The following QKI variants were observed in gnomAD, a reference collection of about 807,000 sequenced individuals.
QKI encodes KH domain-containing RNA-binding protein QKI.
QKI carries 10 observed loss-of-function variants against 39.0 expected under a neutral mutation model. The ratio of observed to expected loss-of-function variants is 0.26; its 90% CI spans 0.16 to 0.43. The LOEUF is 0.43. Ranked by LOEUF, QKI falls within the 20% of genes least tolerant of loss-of-function variation. QKI has a pLI of 1.00. For synonymous variants in QKI, 204 were observed against 155.4 expected, an observed-to-expected ratio of 1.31 and a Z score of -2.33; for missense variants, 218 against 428.0, an observed-to-expected ratio of 0.51 and a Z score of 4.33.
At chr6:163,456,395 C>T (rs1790915253) in intron 2 of QKI, among the ~76,000 whole-genome samples, 2 of 152,018 alleles carry the variant, frequency 1.3e-5, no homozygotes, top group Admixed American at 6.6e-5. Flanking sequence ...AATATTGGCA[C>T]ATAATAGGTA....
intron 1 of QKI, among the ~76,000 whole-genome samples, chr6:163,437,970 A>C (rs1044076092): frequency 6.6e-6 from 1 of 152,204 alleles, no homozygotes; most frequent in Non-Finnish European, 1.5e-5. Context: ...TCATAAGCTA[A>C]ATGTACTGTG....
chr6:163,451,655 G>A (rs1790568191), intron 1 of QKI, among the ~76,000 whole-genome samples: 2 of 152,260 alleles, frequency 1.3e-5, no homozygotes, highest in South Asian at 2.1e-4. Flanking sequence ...GAGATTTTTT[G>A]TACTATGCGT....
intron 2 of QKI, among the ~76,000 whole-genome samples, chr6:163,470,787 G>A (rs2128223167): frequency 6.6e-6 from 1 of 152,232 alleles, no homozygotes; most frequent in South Asian, 2.1e-4. Flanking sequence ...CATTTGAAGA[G>A]AGAATTAGTA....
intron 3 of QKI, among the ~76,000 whole-genome samples, chr6:163,524,904 T>C (rs1780391843): frequency 6.6e-6 from 1 of 152,200 alleles, no homozygotes; most frequent in African/African-American, 2.4e-5. Flanking sequence ...CATTTAAAAC[T>C]CATTGTAGCT....
chr6:163,474,936 A>G (rs1167096794), intron 2 of QKI, among the ~76,000 whole-genome samples: 1 of 151,474 alleles, frequency 6.6e-6, no homozygotes, highest in Non-Finnish European at 1.5e-5. Flanking sequence ...GAGAGAGATG[A>G]GAGATAACTT....
intron 3 of QKI, among the ~76,000 whole-genome samples, chr6:163,493,563 G>A (rs994730364): frequency 6.6e-6 from 1 of 152,136 alleles, no homozygotes; most frequent in Non-Finnish European, 1.5e-5. Flanking sequence ...TTATCATTAA[G>A]ATAAATGTGA....
At chr6:163,496,955 T>C (rs775521342) in intron 3 of QKI, among the ~76,000 whole-genome samples, 3 of 152,150 alleles carry the variant, frequency 2.0e-5, no homozygotes, top group Non-Finnish European at 4.4e-5. Flanking sequence ...CCACCCTCAC[T>C]TAAGGGAATA....
At chr6:163,519,998 G>A (rs537463290) in intron 3 of QKI, among the ~76,000 whole-genome samples, 5 of 152,194 alleles carry the variant, frequency 3.3e-5, no homozygotes, top group South Asian at 2.1e-4. Flanking sequence ...GACAAGTAAC[G>A]TACCCTTTGA....
chr6:163,465,808 A>G (rs1466151619), intron 2 of QKI, among the ~76,000 whole-genome samples: 1 of 152,056 alleles, frequency 6.6e-6, no homozygotes, highest in East Asian at 1.9e-4. Context: ...CTGTCTATAC[A>G]CTAACAACAA....
At position 163,415,169 on chromosome 6, in the gene QKI, C is replaced by T. The variant is rs550409572; in HGVS notation, c.-25C>T. On this transcript the variant is annotated 5_prime_UTR_variant, in exon 1 of 8. Transcript: ENST00000361752. ...CGGCGGCGGCGGCGGCGGCGGCGGG[C>T]GGAGTGAGCTGCGGAGCCTGGAATA... The T allele has an allele frequency of 1.9e-4, 275 of 1,450,098 alleles. 2 individuals are homozygous for T. The East Asian group carries it at 2.8e-3, about 15-fold the overall frequency. The allele number at this position is 1,450,098 out of a possible 1,614,324, so 89.8% of individuals were successfully genotyped here.
At chr6:163,518,373 C>A (rs1197946376) in intron 3 of QKI, among the ~76,000 whole-genome samples, 1 of 152,052 alleles carries the variant, frequency 6.6e-6, no homozygotes, top group Non-Finnish European at 1.5e-5. Context: ...TGGACAGATA[C>A]AAATTTTAAC....
intron 3 of QKI, among the ~76,000 whole-genome samples, chr6:163,500,088 A>G (rs1325325079): frequency 1.3e-5 from 2 of 152,140 alleles, no homozygotes; most frequent in Admixed American, 6.5e-5. Context: ...TGTGAATGTG[A>G]TGGGACTGTC....
intron 1 of QKI, among the ~76,000 whole-genome samples, chr6:163,435,936 A>C (rs537057354): frequency 1.3e-5 from 2 of 152,138 alleles, no homozygotes; most frequent in South Asian, 4.1e-4. Flanking sequence ...GGTTTTTGTC[A>C]TTTTTTACTC....
intron 3 of QKI, among the ~76,000 whole-genome samples, chr6:163,521,702 T>C (rs781336214): frequency 6.6e-6 from 1 of 152,066 alleles, no homozygotes; most frequent in South Asian, 2.1e-4. Context: ...TTTGTACTTT[T>C]AGTAGACAGG....
At chr6:163,476,832 G>A (rs941840684) in intron 2 of QKI, among the ~76,000 whole-genome samples, 1 of 152,124 alleles carries the variant, frequency 6.6e-6, no homozygotes, top group African/African-American at 2.4e-5. Flanking sequence ...ATTTGTATTA[G>A]ACTTGGTAGG....
At position 163,574,055 on chromosome 6, in the gene QKI, A is replaced by G. The variant is rs1783844342; in HGVS notation, c.*3345A>G. 6.6e-6 allele frequency: 1 copy of G among 152,146 alleles called. No individual in the cohort carries two copies. Among genetic ancestry groups the G allele is most frequent in the Non-Finnish European group, 1.5e-5 (1 of 68,052 alleles). 9.4% of individuals were successfully genotyped at this position (152,146 alleles called of 1,614,324 possible). A position where few individuals can be genotyped will look rare whatever the true frequency, so the allele number is the denominator to read the frequency against. On this transcript the variant is annotated 3_prime_UTR_variant, in exon 8 of 8. Coordinates refer to ENST00000361752, the MANE Select transcript of QKI (RefSeq NM_006775.3). ...TGTAGGTGCAGTAGAGATGGGAACA[A>G]AGTAGCCTTTGTTTGAGGCATTCTT...
At chr6:163,549,637 A>G (rs1252416976) in intron 4 of QKI, among the ~76,000 whole-genome samples, 1 of 152,204 alleles carries the variant, frequency 6.6e-6, no homozygotes, top group African/African-American at 2.4e-5. Context: ...ATTTGAACCC[A>G]GGAGGTGGAG....
chr6:163,433,955 A>G (rs193129131), intron 1 of QKI, among the ~76,000 whole-genome samples: 3 of 152,280 alleles, frequency 2.0e-5, no homozygotes, highest in Admixed American at 1.3e-4. Context: ...CTATTTTTCT[A>G]TTCTGTTTCA....
rs1490830924 is a variant in QKI, at chr6:163,576,905, AAAC to A, written c.*6197_*6199del. On this transcript the variant is annotated 3_prime_UTR_variant, in exon 8 of 8. Coordinates refer to ENST00000361752, the MANE Select transcript of QKI (RefSeq NM_006775.3). ...ATTTTAGCCATTAAGGGAGATTAGT[AAAC>A]AGACTGCTACAGTGTTCCATAGTTG... 6.6e-6 allele frequency: 1 copy of A among 152,228 alleles called. No homozygotes were observed. The highest frequency in any genetic ancestry group is 1.5e-5 in the Non-Finnish European group (1 of 68,036). The allele number at this position is 152,228 out of a possible 1,614,324, so 9.4% of individuals were successfully genotyped here.
Sources: gnomAD v4.1 joint callset for allele counts (sites outside exome capture counted in the v4.1 genomes callset) on GRCh38, gnomAD v4.1.1 for gene constraint, MANE v1.5 for transcripts, NCBI Gene and HGNC (gene_info 2026-07-23, HGNC 2026-07-21) for gene names.